DNAH8: variants seen among roughly 807,000 people sequenced by gnomAD.
DNAH8 encodes axonemal beta dynein heavy chain 8.
DNAH8 carries 382 observed loss-of-function variants against 562.1 expected under a neutral mutation model. The observed-to-expected ratio is 0.68, with a 90% confidence interval of 0.63 to 0.74. The LOEUF (loss-of-function observed/expected upper bound fraction) is 0.74. Among genes scored for constraint, DNAH8 ranks in the 30% least tolerant of loss-of-function variants. DNAH8 has a pLI of 0.00. For synonymous variants in DNAH8, 1,881 were observed against 1,919.4 expected (o/e 0.98, Z 0.52); for missense variants, 5,203 against 5,620.4 (o/e 0.93, Z 2.37).
At chr6:38,949,756 C>T (rs1334389273) in intron 81 of DNAH8, among the ~76,000 whole-genome samples, 186 bp downstream of exon 81, 1 of 152,162 alleles carries the variant, frequency 6.6e-6, no homozygotes, top group African/African-American at 2.4e-5. Context: ...TTTTGGATAG[C>T]AGTTCTTCAG....
chr6:38,976,140 A>G (rs975197581), intron 85 of DNAH8, among the ~76,000 whole-genome samples: 5 of 152,256 alleles, frequency 3.3e-5, no homozygotes, highest in African/African-American at 9.6e-5. Flanking sequence ...ATAGAGGGCT[A>G]GAAATAACAC....
At chr6:38,943,301 T>G (rs1783603094) in intron 79 of DNAH8, among the ~76,000 whole-genome samples, 1 of 152,236 alleles carries the variant, frequency 6.6e-6, no homozygotes, top group South Asian at 2.1e-4. Context: ...TGGCTTACAT[T>G]TTGACTGAAT....
intron 53 of DNAH8, among the ~76,000 whole-genome samples, chr6:38,881,150 T>C (rs1391596986): frequency 3.3e-5 from 5 of 152,238 alleles, no homozygotes; most frequent in African/African-American, 1.2e-4. Flanking sequence ...AGCCCTCATA[T>C]GCTACAGAAT....
chr6:38,924,179 C>T lies in DNAH8; in HGVS notation c.10962+17C>T, dbSNP rs1207872671. ...CCTCCAACTGTAAGTTTTACTTTCCCAATGTTATTTGAATTTCAGTCTCAT... is the reference window on the plus strand; with the variant it reads ...CCTCCAACTGTAAGTTTTACTTTCCTAATGTTATTTGAATTTCAGTCTCAT... On this transcript the variant is annotated intron_variant, in intron 73 of 92. Transcript: ENST00000327475. 5.0e-6 allele frequency: 8 copies of T among 1,608,606 alleles called. No individual in the cohort carries two copies. The highest frequency in any genetic ancestry group is 6.8e-6 in the Non-Finnish European group (8 of 1,176,830).
intron 21 of DNAH8, among the ~76,000 whole-genome samples, chr6:38,800,586 G>C (rs1770698334): frequency 6.6e-6 from 1 of 152,116 alleles, no homozygotes; most frequent in South Asian, 2.1e-4. Flanking sequence ...GCGCCATCTT[G>C]GCTCACTGCA....
chr6:39,025,568 A>G (rs1312279380), intron 91 of DNAH8, among the ~76,000 whole-genome samples: 1 of 152,100 alleles, frequency 6.6e-6, no homozygotes, highest in Non-Finnish European at 1.5e-5. Flanking sequence ...TTCCAACTCC[A>G]AGGGATCTCG....
At chr6:38,998,166 G>T (rs573068524) in intron 88 of DNAH8, among the ~76,000 whole-genome samples, 1 of 152,206 alleles carries the variant, frequency 6.6e-6, no homozygotes, top group Non-Finnish European at 1.5e-5. Flanking sequence ...AGAAGAGGGA[G>T]ATTTGGGCAG....
rs1323631459 is a variant in DNAH8, at chr6:38,951,451, A to G, written c.12382A>G (p.Ile4128Val). The G allele has an allele frequency of 1.2e-6, 2 of 1,614,116 alleles. No homozygotes were observed. Among genetic ancestry groups the G allele is most frequent in the Admixed American group, 1.7e-5 (1 of 60,024 alleles). The part of the protein sequence containing the change: ...WEESDTRTPL[I>V]CFLSMGSDPT... ...AGAAAGTGATACCCGGACACCTCTG[A>G]TATGCTTCCTGTCCATGGGATCTGA... Residue 4128 changes from isoleucine (I) to valine (V), a missense_variant, in exon 82 of 93, where the codon ATA (isoleucine) becomes GTA (valine). Physicochemically the swap from Ile to Val is conservative, Grantham distance 29. Coordinates refer to ENST00000327475, the MANE Select transcript of DNAH8 (RefSeq NM_001206927.2).
At chr6:39,000,062 C>A (rs1380689564) in intron 88 of DNAH8, among the ~76,000 whole-genome samples, 10 of 152,022 alleles carry the variant, frequency 6.6e-5, no homozygotes, top group Non-Finnish European at 1.5e-4. Flanking sequence ...GAATTGCTGT[C>A]CTTTGTATTT....
rs1004766907 is a variant in DNAH8 at position 38,853,309 on chromosome 6, T to G, written c.5695T>G (p.Phe1899Val). 1.9e-6 allele frequency: 3 copies of G among 1,613,428 alleles called. No homozygotes were observed. The African/African-American group carries it at 4.0e-5, about 22-fold the overall frequency. The part of the protein sequence containing the change: ...SAFYQISDSG[F>V]QLLPFLSHFP... The stretch of plus-strand genomic sequence containing the variant: ...TTTCTATCAAATCAGTGATTCAGGA[T>G]TTCAACTCTTACCATTCCTCAGCCA... The change falls in exon 41 of 93, where the codon TTT becomes GTT. Residue 1899 changes from phenylalanine (F) to valine (V), a missense_variant. Phe to Val is a conservative substitution (Grantham distance 50). This residue lies in a region of DNAH8 where 2,176 missense variants were observed against 2,365.1 expected (regional missense o/e 0.92). Transcript: ENST00000327475.
At chr6:38,852,889 G>A (rs375608769) in intron 40 of DNAH8, 91 bp downstream of exon 40, 6 of 987,072 alleles carry the variant, frequency 6.1e-6, no homozygotes, top group African/African-American at 1.7e-5. Flanking sequence ...AAAAACAGGA[G>A]GAGAGGGAGT....
intron 82 of DNAH8, among the ~76,000 whole-genome samples, chr6:38,958,481 T>C (rs1046686467): frequency 1.3e-5 from 2 of 148,364 alleles, no homozygotes; most frequent in African/African-American, 4.9e-5. Context: ...CAAAAGATCA[T>C]TAAAGATTGT....
chr6:38,800,871 A>G (rs549161965), intron 21 of DNAH8, among the ~76,000 whole-genome samples: 7 of 152,308 alleles, frequency 4.6e-5, no homozygotes, highest in Admixed American at 2.6e-4. Flanking sequence ...GTAGGTATTC[A>G]GATCATTTGC....
At chr6:38,907,676 C>T (rs145210063) in intron 63 of DNAH8, among the ~76,000 whole-genome samples, 108 of 152,244 alleles carry the variant, frequency 7.1e-4, no homozygotes, top group Middle Eastern at 6.8e-3. Context: ...ACAGAGGGCA[C>T]CCCTGGACAT....
chr6:38,907,616 A>C (rs1166795068), intron 63 of DNAH8, among the ~76,000 whole-genome samples: 26 of 152,202 alleles, frequency 1.7e-4, no homozygotes, highest in Non-Finnish European at 2.1e-4. Context: ...TGCAAAAATT[A>C]GTTAAGTATT....
chr6:38,745,723 G>A (rs1476392489), intron 8 of DNAH8, among the ~76,000 whole-genome samples: 1 of 152,192 alleles, frequency 6.6e-6, no homozygotes, highest in East Asian at 1.9e-4. Flanking sequence ...CAATGGAACA[G>A]TTCCTTAGTC....
chr6:38,768,885 A>G (rs1183090534), intron 11 of DNAH8, among the ~76,000 whole-genome samples: 1 of 152,140 alleles, frequency 6.6e-6, no homozygotes, highest in Non-Finnish European at 1.5e-5. Context: ...GTTTTCCTCT[A>G]GAGCTTCTCT....
intron 62 of DNAH8, among the ~76,000 whole-genome samples, chr6:38,903,612 C>CTT (rs756414599): frequency 0.089 from 11,436 of 129,158 alleles, 779 homozygotes; most frequent in South Asian, 0.21. Flanking sequence ...TTCTTTCTTC[C>CTT]TTTTTTTTTT....
Position 38,913,954 on chromosome 6 carries a change from T to G in DNAH8, c.9963+2T>G, listed in dbSNP as rs1583337740. ...GTGGCTTCCATAAAAGCAGACGAAG[T>G]GAGTTTGCATTTATTTTATCACTGA... On this transcript the variant is annotated splice_donor_variant, in intron 67 of 92. Transcript: ENST00000327475. LOFTEE classifies it high-confidence loss of function. 6.2e-7 allele frequency: 1 copy of G among 1,606,130 alleles called. No homozygotes were observed. The highest frequency in any genetic ancestry group is 8.5e-7 in the Non-Finnish European group (1 of 1,173,232).
Sources: gnomAD v4.1 joint callset for allele counts (sites outside exome capture counted in the v4.1 genomes callset) on GRCh38, gnomAD v4.1.1 for gene constraint, gnomAD v4.1.1 regional missense constraint, MANE v1.5 for transcripts, NCBI Gene and HGNC (gene_info 2026-07-23, HGNC 2026-07-21) for gene names.